Variants in MTUS1 observed in about 807,000 individuals in gnomAD.
MTUS1 encodes the protein microtubule associated scaffold protein 1, also known as microtubule-associated tumor suppressor 1.
In MTUS1, 109 loss-of-function variants were observed where a neutral mutation model predicts 120.8. That is an observed-to-expected ratio of 0.90 (90% confidence interval 0.77 to 1.06). The LOEUF (loss-of-function observed/expected upper bound fraction) is 1.06, where lower values mean the gene tolerates loss of function less well. MTUS1 is among the 50% of genes least tolerant of loss of function. The pLI is 0.00. For synonymous variants in MTUS1, 737 were observed against 550.5 expected, an observed-to-expected ratio of 1.34 and a Z score of -4.74; for missense variants, 2,210 against 1,486.3, an observed-to-expected ratio of 1.49 and a Z score of -8.01.
chr8:17,785,500 C>T (rs1341429277), intron 1 of MTUS1, among the ~76,000 whole-genome samples: 2 of 152,172 alleles, frequency 1.3e-5, no homozygotes, highest in South Asian at 2.1e-4. Context: ...CCAAGAGGGG[C>T]ACTTCAGACA....
intron 6 of MTUS1, among the ~76,000 whole-genome samples, chr8:17,689,219 A>C (rs1816462569): frequency 6.6e-6 from 1 of 152,126 alleles, no homozygotes; most frequent in Admixed American, 6.6e-5. Context: ...CTCAAAAACA[A>C]ACAAACAAAC....
Position 17,755,500 on chromosome 8 carries a change from C to T in MTUS1, c.308G>A (p.Cys103Tyr). The change falls in exon 2 of 15, where the codon TGT (cysteine) becomes TAT (tyrosine). Residue 103 changes from cysteine (C) to tyrosine (Y), a missense_variant. Transcript: ENST00000693296. ...QVLDMHKDSI[C>Y]QCPALVGTEK... ...AGTACCTACAAGTGCAGGACACTGA[C>T]AAATAGAATCTTTATGCATATCTAA... 6.2e-7 allele frequency: 1 copy of T among 1,614,140 alleles called. No individual in the cohort carries two copies. The highest frequency in any genetic ancestry group is 8.5e-7 in the Non-Finnish European group (1 of 1,179,978).
intron 6 of MTUS1, among the ~76,000 whole-genome samples, chr8:17,702,074 C>T (rs1380268436): frequency 1.3e-5 from 2 of 152,102 alleles, no homozygotes; most frequent in African/African-American, 2.4e-5. Flanking sequence ...CAATTTTCCC[C>T]CATTGTAAAC....
At chr8:17,709,448 C>A (rs1407407088) in intron 6 of MTUS1, among the ~76,000 whole-genome samples, 2 of 152,000 alleles carry the variant, frequency 1.3e-5, no homozygotes, top group Non-Finnish European at 2.9e-5. Context: ...ATTTTTTTAA[C>A]TATCCTATTA....
chr8:17,661,370 A>C (rs2130404679), intron 8 of MTUS1, among the ~76,000 whole-genome samples: 1 of 152,326 alleles, frequency 6.6e-6, no homozygotes, highest in African/African-American at 2.4e-5. Flanking sequence ...ACAAGATCTG[A>C]ACCCATCTGG....
chr8:17,738,295 C>T (rs916444380), intron 3 of MTUS1, among the ~76,000 whole-genome samples: 2 of 152,186 alleles, frequency 1.3e-5, no homozygotes, highest in Non-Finnish European at 2.9e-5. Context: ...TGCATAAACA[C>T]GCACTCTCCC....
rs577534212 is a variant in MTUS1 at position 17,751,076 on chromosome 8, G to T, written c.2091+2641C>A. ...TCACGCCTGTAATCCCAGCACTTTGGGAGGCCAATGTGGGCGGATCACTTG... is the reference window on the plus strand; with the variant it reads ...TCACGCCTGTAATCCCAGCACTTTGTGAGGCCAATGTGGGCGGATCACTTG... On this transcript the variant is annotated intron_variant, in intron 2 of 14. Coordinates refer to ENST00000693296, the MANE Select transcript of MTUS1 (RefSeq NM_001363059.2). Among the ~76,000 whole-genome samples the T allele has an allele frequency of 1.6e-3, 239 of 152,270 alleles. 5 individuals carry two copies. The highest frequency in any genetic ancestry group is 8.9e-3 in the South Asian group (43 of 4,818).
intron 1 of MTUS1, among the ~76,000 whole-genome samples, chr8:17,794,711 G>T (rs1193168247): frequency 6.6e-6 from 1 of 152,144 alleles, no homozygotes; most frequent in African/African-American, 2.4e-5. Flanking sequence ...TAACAGTATA[G>T]CAGTTTACAG....
intron 6 of MTUS1, among the ~76,000 whole-genome samples, chr8:17,705,108 G>T (rs745428736): frequency 6.6e-6 from 1 of 152,046 alleles, no homozygotes; most frequent in Non-Finnish European, 1.5e-5. Context: ...TCAGCCTCAT[G>T]AGTGCTGGGA....
At chr8:17,714,696 C>T (rs1257708440) in intron 5 of MTUS1, among the ~76,000 whole-genome samples, 1 of 151,986 alleles carries the variant, frequency 6.6e-6, no homozygotes, top group African/African-American at 2.4e-5. Context: ...AACAAAACAA[C>T]ATATACATAC....
chr8:17,801,016 A>C (rs1586488694), intron 1 of MTUS1, 45 bp downstream of exon 1: 4 of 144,112 alleles, frequency 2.8e-5, no homozygotes, highest in African/African-American at 7.8e-5. Context: ...TCCCCTCCCC[A>C]CCCCGGCCGC....
intron 1 of MTUS1, among the ~76,000 whole-genome samples, chr8:17,781,671 C>T (rs2050888191): frequency 6.6e-6 from 1 of 152,184 alleles, no homozygotes; most frequent in Admixed American, 6.5e-5. Flanking sequence ...AGAAGAAATG[C>T]TGGCTCTCCC....
At chr8:17,666,560 A>G (rs77572499) in intron 8 of MTUS1, among the ~76,000 whole-genome samples, 2,309 of 152,304 alleles carry the variant, frequency 0.015, 60 homozygotes, top group African/African-American at 0.052. Context: ...GGGCACCTAC[A>G]TGAGAACCAC....
chr8:17,671,211 A>G (rs769645347), intron 8 of MTUS1, among the ~76,000 whole-genome samples: 4 of 152,120 alleles, frequency 2.6e-5, no homozygotes, highest in Non-Finnish European at 5.9e-5. Context: ...AAGTTATGTC[A>G]GGGCAGTGGA....
At chr8:17,735,162 C>G (rs1482941981) in intron 3 of MTUS1, among the ~76,000 whole-genome samples, 3 of 152,178 alleles carry the variant, frequency 2.0e-5, no homozygotes, top group African/African-American at 7.2e-5. Context: ...CAGGCATGCA[C>G]ATACCCCTCT....
At chr8:17,789,752 T>G (rs141706054) in intron 1 of MTUS1, among the ~76,000 whole-genome samples, 19 of 152,330 alleles carry the variant, frequency 1.2e-4, no homozygotes, top group African/African-American at 4.3e-4. Flanking sequence ...TATACACATT[T>G]AACTCACAGC....
Position 17,754,238 on chromosome 8 carries a change from C to A in MTUS1, c.1570G>T (p.Asp524Tyr). ...VMSRAVLQPK[D>Y]AALSKVTPRP... Reference sequence around the variant, plus strand: ...GGCGTGACCTTTGATAAAGCAGCATCTTTGGGCTGCAACACTGCTCTAGAC... The same window carrying A: ...GGCGTGACCTTTGATAAAGCAGCATATTTGGGCTGCAACACTGCTCTAGAC... The change falls in exon 2 of 15, where the codon GAT (aspartate) becomes TAT (tyrosine). Residue 524 changes from aspartate to tyrosine, a missense_variant. Coordinates refer to ENST00000693296, the MANE Select transcript of MTUS1 (RefSeq NM_001363059.2). 6.2e-7 allele frequency: 1 copy of A among 1,614,102 alleles called. No homozygotes were observed. The highest frequency in any genetic ancestry group is 8.5e-7 in the Non-Finnish European group (1 of 1,180,036).
intron 8 of MTUS1, among the ~76,000 whole-genome samples, chr8:17,659,219 G>T (rs961603560): frequency 6.6e-6 from 1 of 152,120 alleles, no homozygotes; most frequent in African/African-American, 2.4e-5. Context: ...GCTGTTTCTT[G>T]TGCTGGGGCT....
At chr8:17,646,186 A>C in intron 14 of MTUS1, 47 bp from the exon 15 acceptor site, 3 of 1,502,390 alleles carry the variant, frequency 2.0e-6, no homozygotes, top group Non-Finnish European at 2.7e-6. Context: ...AAAAAAAAAA[A>C]AAACTTGAAA....
Sources: allele counts gnomAD v4.1 joint callset (sites outside exome capture counted in the v4.1 genomes callset), GRCh38; gene constraint gnomAD v4.1.1; transcripts MANE v1.5; gene names NCBI Gene and HGNC (gene_info 2026-07-23, HGNC 2026-07-21).